PPARGC1A: variants seen among roughly 807,000 people sequenced by gnomAD.
PPARGC1A encodes the protein peroxisome proliferator-activated receptor gamma coactivator 1-alpha.
A neutral mutation model predicts 88.7 loss-of-function variants in PPARGC1A; 25 were observed. The ratio of observed to expected loss-of-function variants is 0.28; its 90% CI spans 0.21 to 0.39. The LOEUF (loss-of-function observed/expected upper bound fraction) is 0.39. PPARGC1A is among the 10% of genes least tolerant of loss of function. PPARGC1A has a pLI of 1.00. For missense variants in PPARGC1A, 880 were observed against 968.7 expected (o/e 0.91, Z 1.22); for synonymous variants, 363 against 355.6 (o/e 1.02, Z -0.24).
At chr4:24,207,874 T>C in the PPARGC1A span, among the ~76,000 whole-genome samples, 1 of 152,136 alleles carries the variant, frequency 6.6e-6, no homozygotes, top group Non-Finnish European at 1.5e-5. Context: ...ATGACAACAG[T>C]CATCACAGTC....
the PPARGC1A span, among the ~76,000 whole-genome samples, chr4:23,996,057 T>A: frequency 6.6e-6 from 1 of 152,182 alleles, no homozygotes; most frequent in Non-Finnish European, 1.5e-5. Flanking sequence ...TCTTTTCATC[T>A]TCAGGGGATA....
At chr4:24,434,407 A>G in the PPARGC1A span, among the ~76,000 whole-genome samples, 1 of 152,136 alleles carries the variant, frequency 6.6e-6, no homozygotes, top group Non-Finnish European at 1.5e-5. Flanking sequence ...GAGCTGAGAG[A>G]GTCAGTAATG....
the PPARGC1A span, among the ~76,000 whole-genome samples, chr4:24,449,946 T>C: frequency 6.6e-6 from 1 of 152,236 alleles, no homozygotes. Context: ...TTTTTTTCCA[T>C]TTTGTGTGCA....
At chr4:24,215,388 ATTGGCC>A in the PPARGC1A span, among the ~76,000 whole-genome samples, 3 of 152,174 alleles carry the variant, frequency 2.0e-5, no homozygotes, top group African/African-American at 7.2e-5. Context: ...ATGATGGCTT[ATTGGCC>A]TCATTAAATT....
the PPARGC1A span, among the ~76,000 whole-genome samples, chr4:23,977,236 G>C: frequency 6.6e-6 from 1 of 152,048 alleles, no homozygotes; most frequent in South Asian, 2.1e-4. Flanking sequence ...ACCTCTCTCC[G>C]GCGCACACGC....
the PPARGC1A span, among the ~76,000 whole-genome samples, chr4:24,213,043 A>AAGACCCAATGGC: frequency 1.3e-5 from 2 of 152,128 alleles, no homozygotes; most frequent in Non-Finnish European, 2.9e-5. Flanking sequence ...ACCTAGAGCA[A>AAGACCCAATGGC]AGACCCAATG....
the PPARGC1A span, among the ~76,000 whole-genome samples, chr4:24,274,178 C>T: frequency 1.3e-5 from 2 of 152,074 alleles, no homozygotes; most frequent in Non-Finnish European, 2.9e-5. Flanking sequence ...TTACAGTCCT[C>T]AACTTTTTTA....
chr4:23,917,325 C>T, the PPARGC1A span, among the ~76,000 whole-genome samples: 98 of 152,068 alleles, frequency 6.4e-4, 1 homozygote, highest in Admixed American at 2.0e-3. Context: ...AGATTCTCAG[C>T]TCCTTGCTAT....
At chr4:24,010,906 CAG>C in the PPARGC1A span, among the ~76,000 whole-genome samples, 6 of 152,210 alleles carry the variant, frequency 3.9e-5, no homozygotes, top group Non-Finnish European at 8.8e-5. Context: ...TTTAGAATGG[CAG>C]AGAGTCCCCG....
the PPARGC1A span, among the ~76,000 whole-genome samples, chr4:24,340,018 T>A: frequency 6.6e-6 from 1 of 152,288 alleles, no homozygotes; most frequent in Middle Eastern, 3.4e-3. Flanking sequence ...ATTACAGGCG[T>A]GAGCCACCGT....
chr4:24,339,221 TATATATATATATATATACACACACAC>T, the PPARGC1A span, among the ~76,000 whole-genome samples: 1 of 55,238 alleles, frequency 1.8e-5, no homozygotes, highest in African/African-American at 5.7e-5. Flanking sequence ...TGTATATATA[TATATATATATATATATACACACACAC>T]ACACACACAC....
At chr4:23,828,706 G>A in intron 4 of PPARGC1A, 102 bp from the exon 5 acceptor site, 1 of 1,022,732 alleles carries the variant, frequency 9.8e-7, no homozygotes, top group Non-Finnish European at 1.5e-6. Flanking sequence ...GAAGTGTTCA[G>A]TCTAAGTGTA....
At chr4:24,230,368 T>A in the PPARGC1A span, among the ~76,000 whole-genome samples, 2 of 152,126 alleles carry the variant, frequency 1.3e-5, no homozygotes, top group African/African-American at 4.8e-5. Flanking sequence ...AAGGTGTGAG[T>A]AGGACAAAGA....
chr4:24,042,650 C>G, the PPARGC1A span, among the ~76,000 whole-genome samples: 1 of 152,132 alleles, frequency 6.6e-6, no homozygotes, highest in Non-Finnish European at 1.5e-5. Flanking sequence ...GAATAAAAAC[C>G]TTAGGTGATG....
the PPARGC1A span, among the ~76,000 whole-genome samples, chr4:24,305,041 G>C: frequency 6.6e-6 from 1 of 151,638 alleles, no homozygotes; most frequent in African/African-American, 2.4e-5. Context: ...GTAGGTTGTT[G>C]CAAGGATCAA....
chr4:24,204,537 T>C, the PPARGC1A span, among the ~76,000 whole-genome samples: 6 of 151,726 alleles, frequency 4.0e-5, no homozygotes, highest in Non-Finnish European at 8.8e-5. Context: ...GGAAGGGAAA[T>C]TCTTTCTATA....
At chr4:23,942,309 A>G in the PPARGC1A span, among the ~76,000 whole-genome samples, 2 of 152,174 alleles carry the variant, frequency 1.3e-5, no homozygotes, top group East Asian at 1.9e-4. Context: ...TCCCTCTGAG[A>G]AAGGACTTAG....
At chr4:24,258,185 A>G in the PPARGC1A span, 1 of 968,562 alleles carries the variant, frequency 1.0e-6, no homozygotes, top group East Asian at 1.1e-4. Flanking sequence ...TAACATGACA[A>G]TAATGTATTA....
the PPARGC1A span, among the ~76,000 whole-genome samples, chr4:23,972,386 GC>G: frequency 6.6e-6 from 1 of 152,178 alleles, no homozygotes; most frequent in Non-Finnish European, 1.5e-5. Context: ...GATAGAGATG[GC>G]CAAAGTATGA....
Sources: gnomAD v4.1 joint callset for allele counts (sites outside exome capture counted in the v4.1 genomes callset) on GRCh38, gnomAD v4.1.1 for gene constraint, MANE v1.5 for transcripts, NCBI Gene and HGNC (gene_info 2026-07-23, HGNC 2026-07-21) for gene names.